Variants in PUF60 observed in about 807,000 individuals in gnomAD.
PUF60 encodes poly(U) binding splicing factor 60.
A neutral mutation model predicts 61.8 loss-of-function variants in PUF60; 10 were observed. The ratio of observed to expected loss-of-function variants is 0.16; its 90% CI spans 0.10 to 0.27. The LOEUF (loss-of-function observed/expected upper bound fraction) is 0.27. PUF60 is among the 10% of genes least tolerant of loss of function. The pLI, the probability that PUF60 is intolerant of heterozygous loss-of-function variation, is 1.00. For synonymous variants in PUF60, 353 were observed against 300.9 expected (o/e 1.17, Z -1.79); for missense variants, 371 against 754.0 (o/e 0.49, Z 5.95).
At chr8:143,826,386 C>G (rs1197253875) in intron 1 of PUF60, among the ~76,000 whole-genome samples, 1 of 152,094 alleles carries the variant, frequency 6.6e-6, no homozygotes, top group Non-Finnish European at 1.5e-5. Flanking sequence ...GACAACACAG[C>G]AAGACGCTGT....
chr8:143,824,349 T>G lies in PUF60; in HGVS notation c.75A>C (p.Ala25=), dbSNP rs892972873. The G allele has an allele frequency of 1.2e-6, 2 of 1,612,192 alleles. No individual in the cohort carries two copies. The highest frequency in any genetic ancestry group is 1.7e-6 in the Non-Finnish European group (2 of 1,179,634). ...GGGSEPAAAA[A]VVAAGDKWKP... is the part of the protein sequence containing the mutation. ...TCCATTTGTCTCCCGCTGCCACCAC[T>G]GCCGCCGCCGCCGCCGGCTCGGACC... The change falls in exon 2 of 12, where the codon GCA becomes GCC. Residue 25 remains alanine, a synonymous_variant. Transcript: ENST00000526683.
rs369324442 is a variant in PUF60 at position 143,817,742 on chromosome 8, G to A, written c.858C>T (p.Ser286=). The A allele has an allele frequency of 9.9e-6, 16 of 1,612,578 alleles. No individual in the cohort carries two copies. In the African/African-American group the frequency reaches 1.6e-4, roughly 16 times the overall value. ...KAQSSQDAVS[S]MNLFDLGGQY... Reference sequence around the variant, plus strand: ...GGCCACCCAGGTCAAAGAGGTTCATGGAAGACACAGCATCTTGGGACGACT... The same window carrying A: ...GGCCACCCAGGTCAAAGAGGTTCATAGAAGACACAGCATCTTGGGACGACT... The change falls in exon 9 of 12, where the codon TCC becomes TCT. Residue 286 remains serine (S), a synonymous_variant. Transcript: ENST00000526683. This position sits in a 1 kb window ranked among gnomAD's most constrained non-coding sequence, Gnocchi z 7.4.
chr8:143,821,477 G>A, intron 4 of PUF60, 120 bp downstream of exon 4: 1 of 940,534 alleles, frequency 1.1e-6, no homozygotes, highest in Non-Finnish European at 1.6e-6. Context: ...GAGTCTTTGA[G>A]AATCGGAGCA....
rs879850852 is a variant in PUF60, at chr8:143,824,251, CAG to C, written c.111+60_111+61del. The C allele has an allele frequency of 4.9e-3, 7,270 of 1,489,644 alleles. 24 individuals carry two copies. The highest frequency in any genetic ancestry group is 5.6e-3 in the Non-Finnish European group (6,123 of 1,101,004). The allele number at this position is 1,489,644 out of a possible 1,614,324, so 92.3% of individuals were successfully genotyped here. ...CTCTCTGGGCCCAGGGACGCACAGG[CAG>C]GCGGGCGGGCGGGCGGGCAGGCGGG... is the stretch of plus-strand genomic sequence containing the variant. On this transcript the variant is annotated intron_variant, in intron 2 of 11. Transcript: ENST00000526683.
Position 143,817,425 on chromosome 8 carries a change from T to C in PUF60, c.1050A>G (p.Thr350=), listed in dbSNP as rs1479344201. ...TCAGTGCTGGGGACACCAGTCCAGG[T>C]GTGCCCAGGGTACCCAGCACCGCTG... The part of the protein sequence containing the change: ...AGAAVLGTLG[T]PGLVSPALTL... Residue 350 remains threonine, a synonymous_variant, in exon 10 of 12, where the codon ACA becomes ACG. Coordinates refer to ENST00000526683, the MANE Select transcript of PUF60 (RefSeq NM_078480.3). This position sits in a 1 kb window ranked among gnomAD's most constrained non-coding sequence, Gnocchi z 7.4. 14 of 1,605,290 alleles carry C rather than the reference T, an allele frequency of 8.7e-6. No homozygotes were observed. The highest frequency in any genetic ancestry group is 1.2e-5 in the Non-Finnish European group (14 of 1,177,196).
chr8:143,821,353 C>G (rs1169304173), intron 4 of PUF60: 1 of 596,424 alleles, frequency 1.7e-6, no homozygotes, highest in Non-Finnish European at 3.0e-6. Context: ...AAGGGTAGAG[C>G]TGCAGCCAAG....
At chr8:143,824,510 G>T in intron 1 of PUF60, 111 bp from the exon 2 acceptor site, 1 of 1,120,286 alleles carries the variant, frequency 8.9e-7, no homozygotes, top group Non-Finnish European at 1.3e-6. Context: ...AGGGAGGCCA[G>T]GCAGGGAGGC....
At chr8:143,825,957 G>A (rs967378944) in intron 1 of PUF60, among the ~76,000 whole-genome samples, 2 of 152,174 alleles carry the variant, frequency 1.3e-5, no homozygotes, top group African/African-American at 2.4e-5. Flanking sequence ...GGGAAAAGCC[G>A]GCCCACTGGT....
At chr8:143,822,023 GC>G in intron 2 of PUF60, 110 bp from the exon 3 acceptor site, 1 of 791,506 alleles carries the variant, frequency 1.3e-6, no homozygotes, top group Non-Finnish European at 2.0e-6. Flanking sequence ...CTGTACTCAG[GC>G]CAGCCCTTCT....
chr8:143,824,161 G>C (rs973563768), intron 2 of PUF60, among the ~76,000 whole-genome samples, 152 bp downstream of exon 2: 7 of 152,230 alleles, frequency 4.6e-5, no homozygotes, highest in African/African-American at 9.6e-5. Flanking sequence ...GGTCCTGCGG[G>C]CAGTTGTCTG....
chr8:143,827,706 ATAAAAAAACACGTAT>A, intron 1 of PUF60, among the ~76,000 whole-genome samples: 1 of 152,348 alleles, frequency 6.6e-6, no homozygotes, highest in Non-Finnish European at 1.5e-5. Flanking sequence ...AAACCTGACG[ATAAAAAAACACGTAT>A]TAAACCCAAC....
rs1470702077 is a variant in PUF60 at position 143,818,458 on chromosome 8, TC to T, written c.424del (p.Glu142ArgfsTer26). 1 of 1,611,322 alleles carries T rather than the reference TC, an allele frequency of 6.2e-7. No homozygotes were observed. Among genetic ancestry groups the T allele is most frequent in the Non-Finnish European group, 8.5e-7 (1 of 1,179,278 alleles). ...GGCAAAGGCCTGGCGGATGGTGTCC[TC>T]CCCCAGCTCATAGTAGATAGAGCCC... Reference protein sequence around the residue: ...YVGSIYYELGEDTIRQAFAPF... With the variant: ...YVGSIYYELGXDTIRQAFAPF... On this transcript the variant is annotated frameshift_variant, in exon 6 of 12. Transcript: ENST00000526683. LOFTEE classifies it high-confidence loss of function. The surrounding 1 kb of genome is among the most constrained non-coding windows in gnomAD (Gnocchi z 7.9).
chr8:143,829,108 G>GCCGGCGCGCGCCCGCCCCGCCC (rs1818004604), intron 1 of PUF60, 172 bp downstream of exon 1: 1 of 1,146,134 alleles, frequency 8.7e-7, no homozygotes, highest in African/African-American at 1.6e-5. Flanking sequence ...CGAGCCGGCC[G>GCCGGCGCGCGCCCGCCCCGCCC]CCGGCGCGCG....
chr8:143,826,421 A>T (rs1307335537), intron 1 of PUF60, among the ~76,000 whole-genome samples: 5 of 152,228 alleles, frequency 3.3e-5, no homozygotes, highest in African/African-American at 9.7e-5. Flanking sequence ...AGATTTTTTT[A>T]AAAAGTAATG....
intron 1 of PUF60, chr8:143,828,988 CG>C (rs1817982445): frequency 1.0e-6 from 1 of 992,216 alleles, no homozygotes; most frequent in Non-Finnish European, 1.2e-6. Context: ...CCGGACCTAG[CG>C]GACAGGAACG....
intron 1 of PUF60, among the ~76,000 whole-genome samples, chr8:143,828,138 C>T (rs1776919685): frequency 6.6e-6 from 1 of 152,232 alleles, no homozygotes; most frequent in Non-Finnish European, 1.5e-5. Flanking sequence ...CTGGGCTGCC[C>T]TCGCAAGCTG....
intron 1 of PUF60, among the ~76,000 whole-genome samples, chr8:143,827,705 G>A (rs1041939865): frequency 4.6e-5 from 7 of 152,162 alleles, no homozygotes; most frequent in East Asian, 1.9e-4. Flanking sequence ...GAAACCTGAC[G>A]ATAAAAAAAC....
At chr8:143,821,782 C>T (rs1460469868) in intron 3 of PUF60, 36 bp downstream of exon 3, 2 of 1,562,424 alleles carry the variant, frequency 1.3e-6, no homozygotes, top group African/African-American at 1.4e-5. Flanking sequence ...AGTTGACTGT[C>T]CCACACCTGC....
rs750570716 is a variant in PUF60 at position 143,821,866 on chromosome 8, C to T, written c.159G>A (p.Lys53=). 25 of 1,610,444 alleles carry T rather than the reference C, an allele frequency of 1.6e-5. No homozygotes were observed. The highest frequency in any genetic ancestry group is 1.0e-4 in the Admixed American group (6 of 59,908). ...CGGGCGTCAGGGGAGGCAGCCCCAG[C>T]TTGGCGGCTGTGCTCTGCCCGTTCT... The part of the protein sequence containing the change: ...KMENGQSTAA[K]LGLPPLTPEQ... Residue 53 remains lysine (K), a synonymous_variant, in exon 3 of 12, where the codon AAG becomes AAA. Transcript: ENST00000526683.
Sources: gnomAD v4.1 joint callset for allele counts (sites outside exome capture counted in the v4.1 genomes callset) on GRCh38, gnomAD v4.1.1 for gene constraint, Gnocchi (gnomAD v3.1) non-coding constraint, MANE v1.5 for transcripts, NCBI Gene and HGNC (gene_info 2026-07-23, HGNC 2026-07-21) for gene names.